Variants in GRIA1 observed in about 807,000 individuals in gnomAD.
GRIA1 encodes glutamate ionotropic receptor AMPA type subunit 1, also known as glutamate receptor 1.
A neutral mutation model predicts 99.2 loss-of-function variants in GRIA1; 31 were observed. The ratio of observed to expected loss-of-function variants is 0.31; its 90% CI spans 0.23 to 0.42. The LOEUF is 0.42. Ranked by LOEUF, GRIA1 falls within the 10% of genes least tolerant of loss-of-function variation. The probability of loss-of-function intolerance (pLI) is 1.00; values close to 1 mark genes in which losing one functional copy is unlikely to be tolerated. For synonymous variants in GRIA1, 438 were observed against 432.4 expected (o/e 1.01, Z -0.16); for missense variants, 782 against 1,157.5 (o/e 0.68, Z 4.71).
chr5:153,535,925 C>T (rs924702797), intron 2 of GRIA1, among the ~76,000 whole-genome samples: 6 of 152,262 alleles, frequency 3.9e-5, no homozygotes, highest in African/African-American at 7.2e-5. Flanking sequence ...CAGGAAATAC[C>T]GACAGCAGCT....
chr5:153,619,917 C>G (rs1284532152), intron 2 of GRIA1, among the ~76,000 whole-genome samples: 1 of 152,122 alleles, frequency 6.6e-6, no homozygotes, highest in African/African-American at 2.4e-5. Flanking sequence ...CCAAACTCCA[C>G]CCCAGAGCAC....
At chr5:153,493,050 A>G (rs1466645122) in intron 1 of GRIA1, among the ~76,000 whole-genome samples, 1 of 152,228 alleles carries the variant, frequency 6.6e-6, no homozygotes. Context: ...TAATTCACAG[A>G]AATGTAATTG....
chr5:153,577,154 TTGGATGGATGGATGGATGGA>T (rs35199031), intron 2 of GRIA1, among the ~76,000 whole-genome samples: 2 of 119,964 alleles, frequency 1.7e-5, no homozygotes, highest in South Asian at 3.8e-4. Context: ...GGATGGATGG[TTGGATGGATGGATGGATGGA>T]TGGATGGATG....
intron 13 of GRIA1, among the ~76,000 whole-genome samples, chr5:153,778,809 C>T (rs1290722614): frequency 1.3e-5 from 2 of 152,020 alleles, no homozygotes; most frequent in Admixed American, 1.3e-4. Flanking sequence ...TTTGAATTCC[C>T]TAGGGAATGC....
intron 2 of GRIA1, among the ~76,000 whole-genome samples, chr5:153,503,672 C>T (rs1755218810): frequency 6.6e-6 from 1 of 152,136 alleles, no homozygotes; most frequent in Non-Finnish European, 1.5e-5. Context: ...CATTTCTTTT[C>T]ATTTATGATT....
chr5:153,661,167 C>T (rs1755344635), intron 5 of GRIA1, among the ~76,000 whole-genome samples: 1 of 152,206 alleles, frequency 6.6e-6, no homozygotes, highest in Non-Finnish European at 1.5e-5. Flanking sequence ...AGCTCATCCA[C>T]TTTCTTCAGT....
In GRIA1 at chr5:153,778,022, G is replaced by A. The variant is rs578030014; in HGVS notation, c.2270+7607G>A. ...AGAGACAAAGCCCTCTGAGTGGAGA[G>A]GCTGGATTTATTTGCATCCTCAGAA... is the stretch of plus-strand genomic sequence containing the variant. On this transcript the variant is annotated intron_variant, in intron 13 of 15. Coordinates refer to ENST00000285900, the MANE Select transcript of GRIA1 (RefSeq NM_000827.4). Among the ~76,000 whole-genome samples the A allele has an allele frequency of 6.8e-4, 104 of 152,156 alleles. 1 individual carries two copies. Among genetic ancestry groups the A allele is most frequent in the Non-Finnish European group, 5.1e-4 (35 of 68,042 alleles).
chr5:153,594,400 T>C (rs1349054916), intron 2 of GRIA1, among the ~76,000 whole-genome samples: 2 of 152,232 alleles, frequency 1.3e-5, no homozygotes, highest in Non-Finnish European at 2.9e-5. Flanking sequence ...TTTTGGGTGA[T>C]ACCTTCAACT....
At chr5:153,528,701 A>C (rs563494842) in intron 2 of GRIA1, among the ~76,000 whole-genome samples, 1 of 152,094 alleles carries the variant, frequency 6.6e-6, no homozygotes, top group Non-Finnish European at 1.5e-5. Flanking sequence ...TTTTCCCACA[A>C]TTTTCCAAAA....
rs527492238 is a variant in GRIA1 at position 153,779,887 on chromosome 5, G to C, written c.2270+9472G>C. On this transcript the variant is annotated intron_variant, in intron 13 of 15. Coordinates refer to ENST00000285900, the MANE Select transcript of GRIA1 (RefSeq NM_000827.4). ...GAGCTCCATTTTATAATGCCTGGTT[G>C]AGAAGCTCATAAATGGCAAAGCAAC... is the stretch of plus-strand genomic sequence containing the variant. 5.9e-5 allele frequency among the ~76,000 whole-genome samples: 9 copies of C among 152,266 alleles called. No homozygotes were observed. In the South Asian group the frequency reaches 1.7e-3, roughly 28 times the overall value.
At chr5:153,494,268 A>G in intron 2 of GRIA1, 1 of 563,290 alleles carries the variant, frequency 1.8e-6, no homozygotes, top group Non-Finnish European at 3.1e-6. Flanking sequence ...CATGTAATGG[A>G]TTTGCTTTTT....
At chr5:153,498,733 T>TA (rs947499134) in intron 2 of GRIA1, among the ~76,000 whole-genome samples, 25 of 149,428 alleles carry the variant, frequency 1.7e-4, no homozygotes, top group South Asian at 4.2e-4. Context: ...CTGGCATCTT[T>TA]AAAAAAAAAA....
chr5:153,678,823 G>T (rs983268354), intron 7 of GRIA1, among the ~76,000 whole-genome samples: 1 of 152,164 alleles, frequency 6.6e-6, no homozygotes, highest in Non-Finnish European at 1.5e-5. Flanking sequence ...AGGAGAGCTG[G>T]ACTCCACGTC....
intron 11 of GRIA1, among the ~76,000 whole-genome samples, chr5:153,732,040 G>C (rs1198176045): frequency 6.6e-6 from 1 of 151,970 alleles, no homozygotes; most frequent in Non-Finnish European, 1.5e-5. Flanking sequence ...ATGCCCTCCA[G>C]GTTCAACCAT....
intron 4 of GRIA1, among the ~76,000 whole-genome samples, chr5:153,651,652 C>T (rs1754585447): frequency 6.6e-6 from 1 of 152,170 alleles, no homozygotes; most frequent in African/African-American, 2.4e-5. Flanking sequence ...ACAGCTATTA[C>T]TCAGAGGCCT....
intron 2 of GRIA1, among the ~76,000 whole-genome samples, chr5:153,606,835 A>G (rs940430597): frequency 5.3e-5 from 8 of 151,448 alleles, no homozygotes; most frequent in African/African-American, 1.9e-4. Context: ...TTCCTTGCCA[A>G]CTTGACCATA....
intron 2 of GRIA1, among the ~76,000 whole-genome samples, chr5:153,531,636 C>G (rs1034152075): frequency 3.3e-5 from 5 of 152,280 alleles, no homozygotes; most frequent in East Asian, 3.9e-4. Flanking sequence ...ACTAAGCTCC[C>G]TGTTACTAGA....
chr5:153,793,373 C>T (rs10434714), intron 13 of GRIA1, among the ~76,000 whole-genome samples: 1 of 152,260 alleles, frequency 6.6e-6, no homozygotes, highest in East Asian at 1.9e-4. Flanking sequence ...CGTATTACTG[C>T]CTCATGATGG....
chr5:153,714,238 A>T (rs1251892618), intron 11 of GRIA1, among the ~76,000 whole-genome samples: 1 of 152,174 alleles, frequency 6.6e-6, no homozygotes, highest in African/African-American at 2.4e-5. Flanking sequence ...GCATGCCTAG[A>T]TTCAGCTTGT....
Sources: allele counts gnomAD v4.1 joint callset (sites outside exome capture counted in the v4.1 genomes callset), GRCh38; gene constraint gnomAD v4.1.1; transcripts MANE v1.5; gene names NCBI Gene and HGNC (gene_info 2026-07-23, HGNC 2026-07-21).